ITFG1: variants seen among roughly 807,000 people sequenced by gnomAD.
The protein encoded by ITFG1 is T-cell immunomodulatory protein.
ITFG1 carries 34 observed loss-of-function variants against 81.8 expected under a neutral mutation model. The observed-to-expected ratio is 0.42, with a 90% CI of 0.32 to 0.55. The LOEUF (loss-of-function observed/expected upper bound fraction) is 0.55. Among genes scored for constraint, ITFG1 ranks in the 20% least tolerant of loss-of-function variants. ITFG1 has a pLI of 0.17. For synonymous variants in ITFG1, 285 were observed against 270.6 expected, an observed-to-expected ratio of 1.05 and a Z score of -0.52; for missense variants, 672 against 755.4, an observed-to-expected ratio of 0.89 and a Z score of 1.29.
At chr16:47,224,633 A>G (rs1965736219) in intron 13 of ITFG1, among the ~76,000 whole-genome samples, 1 of 152,220 alleles carries the variant, frequency 6.6e-6, no homozygotes, top group Admixed American at 6.5e-5. Flanking sequence ...GTTGACGTAT[A>G]GTTAAAAATG....
intron 6 of ITFG1, among the ~76,000 whole-genome samples, chr16:47,392,844 C>T (rs1391327422): frequency 1.3e-5 from 2 of 152,230 alleles, no homozygotes; most frequent in East Asian, 3.9e-4. Flanking sequence ...ATTTACAGAG[C>T]CCTCTGGGAC....
intron 7 of ITFG1, among the ~76,000 whole-genome samples, chr16:47,375,456 C>T (rs558625158): frequency 6.6e-6 from 1 of 150,592 alleles, no homozygotes; most frequent in African/African-American, 2.4e-5. Flanking sequence ...TCCTAGTCAA[C>T]GTGGCAGTAA....
intron 14 of ITFG1, among the ~76,000 whole-genome samples, chr16:47,182,961 C>T (rs374211921): frequency 2.3e-4 from 35 of 152,300 alleles, no homozygotes; most frequent in Middle Eastern, 3.4e-3. Flanking sequence ...ACTCGGGAAG[C>T]GCAAGGGGTC....
At chr16:47,331,382 C>T (rs373197076) in intron 8 of ITFG1, among the ~76,000 whole-genome samples, 4 of 152,048 alleles carry the variant, frequency 2.6e-5, no homozygotes, top group African/African-American at 7.2e-5. Context: ...GTACTGTGTT[C>T]ACTACTTGGG....
chr16:47,292,147 G>C (rs527507609), intron 10 of ITFG1, among the ~76,000 whole-genome samples: 3 of 152,050 alleles, frequency 2.0e-5, no homozygotes, highest in Admixed American at 1.3e-4. Flanking sequence ...CCAAGTTGCT[G>C]GGATTACAGG....
chr16:47,353,392 T>A (rs1967993701), intron 8 of ITFG1, among the ~76,000 whole-genome samples: 1 of 152,100 alleles, frequency 6.6e-6, no homozygotes, highest in Non-Finnish European at 1.5e-5. Flanking sequence ...ATAGCAGGTA[T>A]GTACCTCAAC....
intron 6 of ITFG1, among the ~76,000 whole-genome samples, chr16:47,388,092 G>A (rs2151594767): frequency 6.6e-6 from 1 of 152,122 alleles, no homozygotes; most frequent in East Asian, 1.9e-4. Context: ...CTCAACGTTA[G>A]CTTTGAACTG....
chr16:47,459,892 C>A (rs1969504285), intron 1 of ITFG1, among the ~76,000 whole-genome samples: 1 of 152,168 alleles, frequency 6.6e-6, no homozygotes, highest in South Asian at 2.1e-4. Flanking sequence ...GAGGTTCCTG[C>A]ATCCCCGCAA....
chr16:47,168,553 T>G (rs1426082659), intron 14 of ITFG1, among the ~76,000 whole-genome samples: 11 of 148,148 alleles, frequency 7.4e-5, no homozygotes, highest in Admixed American at 6.7e-4. Flanking sequence ...AAGTTTTTTT[T>G]TTTTTTTTTT....
At chr16:47,195,131 T>C (rs1447845032) in intron 14 of ITFG1, among the ~76,000 whole-genome samples, 1 of 152,182 alleles carries the variant, frequency 6.6e-6, no homozygotes, top group Non-Finnish European at 1.5e-5. Context: ...TCCTTATAAG[T>C]TTCTTTTTAT....
chr16:47,270,084 T>C (rs757333180), intron 10 of ITFG1, among the ~76,000 whole-genome samples: 1 of 152,162 alleles, frequency 6.6e-6, no homozygotes, highest in African/African-American at 2.4e-5. Flanking sequence ...TCGGATATAA[T>C]GGATCACAGA....
At chr16:47,377,818 T>C (rs1412985723) in intron 6 of ITFG1, among the ~76,000 whole-genome samples, 2 of 152,228 alleles carry the variant, frequency 1.3e-5, no homozygotes, top group African/African-American at 4.8e-5. Context: ...CGGATTTTTC[T>C]ATCCCTGCTG....
At chr16:47,424,161 A>T (rs1968988574) in intron 6 of ITFG1, among the ~76,000 whole-genome samples, 1 of 151,988 alleles carries the variant, frequency 6.6e-6, no homozygotes, top group Non-Finnish European at 1.5e-5. Flanking sequence ...TTGTCTTCTC[A>T]CTTTATTTCA....
At chr16:47,237,025 T>C (rs1965885046) in intron 13 of ITFG1, among the ~76,000 whole-genome samples, 1 of 152,226 alleles carries the variant, frequency 6.6e-6, no homozygotes, top group South Asian at 2.1e-4. Context: ...TCTGGCTCAG[T>C]TCGGGCCACA....
intron 5 of ITFG1, among the ~76,000 whole-genome samples, chr16:47,445,788 T>C (rs541330638): frequency 3.3e-4 from 50 of 152,328 alleles, no homozygotes; most frequent in African/African-American, 1.2e-3. Flanking sequence ...GCACCCATTA[T>C]GCTACAATGA....
At chr16:47,234,847 G>A (rs1275050181) in intron 13 of ITFG1, among the ~76,000 whole-genome samples, 2 of 152,158 alleles carry the variant, frequency 1.3e-5, no homozygotes, top group African/African-American at 4.8e-5. Context: ...CTGGTGGAAG[G>A]TAACTGAATC....
chr16:47,163,950 C>T (rs866378278), intron 14 of ITFG1, among the ~76,000 whole-genome samples: 4,646 of 144,466 alleles, frequency 0.032, 120 homozygotes, highest in African/African-American at 0.074. Context: ...CACACACACA[C>T]ACATACACAC....
At chr16:47,165,834 A>C (rs565219694) in intron 14 of ITFG1, among the ~76,000 whole-genome samples, 1 of 152,328 alleles carries the variant, frequency 6.6e-6, no homozygotes, top group South Asian at 2.1e-4. Context: ...AGATAGAGTA[A>C]GACCCTGTCT....
intron 5 of ITFG1, among the ~76,000 whole-genome samples, chr16:47,443,251 G>A (rs1476093398): frequency 6.6e-6 from 1 of 152,198 alleles, no homozygotes; most frequent in Admixed American, 6.5e-5. Flanking sequence ...GGAAACAACA[G>A]GTGCTGGAGA....
Sources: allele counts gnomAD v4.1 joint callset (sites outside exome capture counted in the v4.1 genomes callset), GRCh38; gene constraint gnomAD v4.1.1; transcripts MANE v1.5; gene names NCBI Gene and HGNC (gene_info 2026-07-23, HGNC 2026-07-21).